Variants in RAPGEF6 observed in about 807,000 individuals in gnomAD.
RAPGEF6 encodes the protein Rap guanine nucleotide exchange factor 6, also known as PDZ domain containing guanine nucleotide exchange factor (GEF) 2.
A neutral mutation model predicts 171.4 loss-of-function variants in RAPGEF6; 56 were observed. That is an observed-to-expected ratio of 0.33 (90% confidence interval 0.26 to 0.41). RAPGEF6 has a LOEUF of 0.41. RAPGEF6 is among the 10% of genes least tolerant of loss of function. The probability of loss-of-function intolerance (pLI) is 1.00; values close to 1 mark genes in which losing one functional copy is unlikely to be tolerated. For synonymous variants in RAPGEF6, 692 were observed against 650.1 expected, an observed-to-expected ratio of 1.06 and a Z score of -0.98; for missense variants, 1,674 against 1,921.4, an observed-to-expected ratio of 0.87 and a Z score of 2.41.
chr5:131,565,374 C>T (rs1444701125), intron 4 of RAPGEF6, among the ~76,000 whole-genome samples: 2 of 151,984 alleles, frequency 1.3e-5, no homozygotes, highest in Non-Finnish European at 2.9e-5. Flanking sequence ...AAATTGAAGA[C>T]CTGATTAAAA....
chr5:131,499,000 G>C (rs901873995), intron 11 of RAPGEF6, among the ~76,000 whole-genome samples: 3 of 151,788 alleles, frequency 2.0e-5, no homozygotes, highest in Non-Finnish European at 4.4e-5. Flanking sequence ...ACTAAAGAAA[G>C]AAAGAAAAAG....
intron 1 of RAPGEF6, among the ~76,000 whole-genome samples, chr5:131,614,286 A>AAAC (rs1437696754): frequency 7.4e-6 from 1 of 136,014 alleles, no homozygotes; most frequent in East Asian, 1.9e-4. Context: ...TGTCTCAAAA[A>AAAC]AAAAAAAAAA....
chr5:131,519,991 G>A (rs1418096226), intron 7 of RAPGEF6, among the ~76,000 whole-genome samples: 3 of 152,152 alleles, frequency 2.0e-5, no homozygotes, highest in African/African-American at 7.2e-5. Flanking sequence ...ATGGAGAACA[G>A]GGAAAAATTC....
intron 1 of RAPGEF6, among the ~76,000 whole-genome samples, chr5:131,628,123 A>C (rs1338705663): frequency 6.6e-6 from 1 of 152,196 alleles, no homozygotes; most frequent in Non-Finnish European, 1.5e-5. Context: ...AGAGTCACCT[A>C]TCTCTCACTT....
chr5:131,579,092 T>C lies in RAPGEF6; in HGVS notation c.281+13291A>G, dbSNP rs143721365. Among the ~76,000 whole-genome samples, 1,081 of 152,320 alleles carry C rather than the reference T, an allele frequency of 7.1e-3. 14 individuals carry two copies. Among genetic ancestry groups the C allele is most frequent in the African/African-American group, 0.021 (877 of 41,564 alleles). ...TCTTCTGGCGGGTTCGTGGTCTCGCTGGCTTCAGGAGTGAAGCTGCAGGCC... is the reference window on the plus strand; with the variant it reads ...TCTTCTGGCGGGTTCGTGGTCTCGCCGGCTTCAGGAGTGAAGCTGCAGGCC... On this transcript the variant is annotated intron_variant, in intron 4 of 27. Transcript: ENST00000509018.
At chr5:131,556,300 G>A (rs1302217345) in intron 5 of RAPGEF6, among the ~76,000 whole-genome samples, 1 of 152,144 alleles carries the variant, frequency 6.6e-6, no homozygotes, top group Non-Finnish European at 1.5e-5. Flanking sequence ...TTAGCTGGGA[G>A]TGGTGGTGTG....
At chr5:131,600,993 A>G (rs1188938082) in intron 3 of RAPGEF6, among the ~76,000 whole-genome samples, 1 of 151,478 alleles carries the variant, frequency 6.6e-6, no homozygotes, top group Non-Finnish European at 1.5e-5. Context: ...GTAGTGGCGT[A>G]TGCCTGTAAT....
chr5:131,553,917 GA>G (rs200185759), intron 5 of RAPGEF6, among the ~76,000 whole-genome samples: 22 of 141,380 alleles, frequency 1.6e-4, no homozygotes, highest in Admixed American at 8.5e-4. Flanking sequence ...AGGAAAGGTT[GA>G]AAAAAAAAAT....
chr5:131,468,300 C>T (rs1186448687), intron 17 of RAPGEF6, among the ~76,000 whole-genome samples: 4 of 146,692 alleles, frequency 2.7e-5, no homozygotes, highest in African/African-American at 1.0e-4. Context: ...CCACTGCACT[C>T]CAGCCTGGGT....
At position 131,426,997 on chromosome 5, in the gene RAPGEF6, G is replaced by C. The variant is rs1310650223; in HGVS notation, c.*269C>G. The C allele has an allele frequency of 2.2e-6, 1 of 459,896 alleles. No individual in the cohort carries two copies. The highest frequency in any genetic ancestry group is 3.8e-6 in the Non-Finnish European group (1 of 261,216). 28.5% of individuals were successfully genotyped at this position (459,896 alleles called of 1,614,324 possible). A position where few individuals can be genotyped will look rare whatever the true frequency, so the allele number is the denominator to read the frequency against. ...ATCACTCTGAGTTTACATTTTTTCT[G>C]TAACTGTGGTCCCAAGGCAGTTCCG... On this transcript the variant is annotated 3_prime_UTR_variant, in exon 28 of 28. Coordinates refer to ENST00000509018, the MANE Select transcript of RAPGEF6 (RefSeq NM_016340.6).
At chr5:131,444,892 T>C (rs1166072560) in intron 22 of RAPGEF6, among the ~76,000 whole-genome samples, 1 of 152,234 alleles carries the variant, frequency 6.6e-6, no homozygotes, top group Non-Finnish European at 1.5e-5. Context: ...CTTTAAAGCA[T>C]GAATAAATGT....
chr5:131,554,290 G>A (rs1291090994), intron 5 of RAPGEF6, among the ~76,000 whole-genome samples: 1 of 152,162 alleles, frequency 6.6e-6, no homozygotes, highest in Non-Finnish European at 1.5e-5. Flanking sequence ...AGATCTTCAG[G>A]AAAGAATTTT....
chr5:131,544,673 A>G (rs1446104220), intron 6 of RAPGEF6, among the ~76,000 whole-genome samples: 1 of 152,196 alleles, frequency 6.6e-6, no homozygotes, highest in African/African-American at 2.4e-5. Flanking sequence ...ATCAAAATCA[A>G]AATTTCATTT....
At chr5:131,489,465 T>C (rs1756137035) in intron 15 of RAPGEF6, 81 bp downstream of exon 15, 15 of 768,824 alleles carry the variant, frequency 2.0e-5, no homozygotes, top group Middle Eastern at 2.3e-4. Context: ...TATATTTTAC[T>C]ATCTTTTCTT....
At chr5:131,495,723 T>C in intron 12 of RAPGEF6, 63 bp from the exon 13 acceptor site, 1 of 1,546,428 alleles carries the variant, frequency 6.5e-7, no homozygotes, top group Non-Finnish European at 8.8e-7. Context: ...ACAAGTGGAT[T>C]CCAAAAGCAT....
chr5:131,600,392 C>T (rs928344754), intron 3 of RAPGEF6, among the ~76,000 whole-genome samples: 11 of 152,110 alleles, frequency 7.2e-5, no homozygotes, highest in African/African-American at 9.6e-5. Context: ...CGTGGTGGCA[C>T]GCGCCTGTAG....
Position 131,430,943 on chromosome 5 carries a change from C to G in RAPGEF6, c.4381G>C (p.Glu1461Gln), listed in dbSNP as rs1458816187. 6.2e-7 allele frequency: 1 copy of G among 1,614,012 alleles called. No homozygotes were observed. Among genetic ancestry groups the G allele is most frequent in the Non-Finnish European group, 8.5e-7 (1 of 1,180,002 alleles). Residue 1461 changes from glutamate to glutamine, a missense_variant, in exon 26 of 28, where the codon GAG (glutamate) becomes CAG (glutamine). Physicochemically the swap from Glu to Gln is conservative, Grantham distance 29 (BLOSUM62 2). This residue lies in a region of RAPGEF6 where 552 missense variants were observed against 574.2 expected (regional missense o/e 0.96). Coordinates refer to ENST00000509018, the MANE Select transcript of RAPGEF6 (RefSeq NM_016340.6). Reference sequence around the variant, plus strand: ...TTGGGGTCCAAGCCTTCAGATGACTCAGCTGGGGTGCTCTCCAATACTCTC... The same window carrying G: ...TTGGGGTCCAAGCCTTCAGATGACTGAGCTGGGGTGCTCTCCAATACTCTC... The part of the protein sequence containing the change: ...KQRVLESTPA[E>Q]SSEGLDPKDA...
At chr5:131,470,998 G>T (rs570934590) in intron 17 of RAPGEF6, among the ~76,000 whole-genome samples, 27 of 152,278 alleles carry the variant, frequency 1.8e-4, no homozygotes, top group African/African-American at 6.3e-4. Flanking sequence ...TTTCTTTTAC[G>T]TGCCAAGAAC....
chr5:131,443,515 G>C (rs1257908884), intron 22 of RAPGEF6, among the ~76,000 whole-genome samples: 1 of 152,132 alleles, frequency 6.6e-6, no homozygotes, highest in African/African-American at 2.4e-5. Context: ...ATTCTTCATA[G>C]AATAGAAGAG....
Sources: allele counts gnomAD v4.1 joint callset (sites outside exome capture counted in the v4.1 genomes callset), GRCh38; gene constraint gnomAD v4.1.1; regional missense constraint gnomAD v4.1.1; transcripts MANE v1.5; gene names NCBI Gene and HGNC (gene_info 2026-07-23, HGNC 2026-07-21).